Variants in TMEM181 observed in about 807,000 individuals in gnomAD.
TMEM181 encodes transmembrane protein 181.
A neutral mutation model predicts 71.9 loss-of-function variants in TMEM181; 39 were observed. The observed-to-expected ratio is 0.54, with a 90% CI of 0.42 to 0.71. TMEM181 has a LOEUF of 0.71. Among genes scored for constraint, TMEM181 ranks in the 30% least tolerant of loss-of-function variants. The probability of loss-of-function intolerance (pLI) is 0.00; values close to 1 mark genes in which losing one functional copy is unlikely to be tolerated. For synonymous variants in TMEM181, 245 were observed against 228.8 expected (o/e 1.07, Z -0.64); for missense variants, 595 against 583.0 (o/e 1.02, Z -0.21).
chr6:158,572,540 ACACAG>A (rs1276030569), intron 1 of TMEM181: 1 of 454,322 alleles, frequency 2.2e-6, no homozygotes, highest in Non-Finnish European at 4.4e-6. Context: ...TTTGACTGGG[ACACAG>A]CCATGCTCGT....
At chr6:158,547,154 T>A (rs1781553276) in intron 1 of TMEM181, among the ~76,000 whole-genome samples, 1 of 151,988 alleles carries the variant, frequency 6.6e-6, no homozygotes, top group Non-Finnish European at 1.5e-5. Context: ...TGGTGGCATG[T>A]GCCTGTAGTC....
At chr6:158,617,881 G>A (rs1302674398) in intron 10 of TMEM181, among the ~76,000 whole-genome samples, 1 of 152,192 alleles carries the variant, frequency 6.6e-6, no homozygotes, top group Non-Finnish European at 1.5e-5. Context: ...ATTTGCTGAG[G>A]AGTGCTTTAC....
chr6:158,626,881 C>G (rs566679185), intron 13 of TMEM181, among the ~76,000 whole-genome samples: 1 of 150,968 alleles, frequency 6.6e-6, no homozygotes, highest in South Asian at 2.1e-4. Flanking sequence ...CTCTCACACT[C>G]TCACACCCCC....
chr6:158,562,338 A>C (rs1263491212), intron 1 of TMEM181, among the ~76,000 whole-genome samples: 2 of 152,102 alleles, frequency 1.3e-5, no homozygotes, highest in East Asian at 1.9e-4. Flanking sequence ...CTCATTTGCT[A>C]ACCTGACTTG....
chr6:158,568,314 G>A (rs1269696947), intron 1 of TMEM181, among the ~76,000 whole-genome samples: 3 of 151,882 alleles, frequency 2.0e-5, no homozygotes, highest in South Asian at 2.1e-4. Context: ...AGGTGAAAAC[G>A]TGTTGGGCAG....
rs1785109838 is a variant in TMEM181, at chr6:158,608,678, CT to C, written c.827del (p.Phe276SerfsTer19). The C allele has an allele frequency of 6.2e-7, 1 of 1,610,818 alleles. No homozygotes were observed. Among genetic ancestry groups the C allele is most frequent in the Non-Finnish European group, 8.5e-7 (1 of 1,179,266 alleles). On this transcript the variant is annotated frameshift_variant, in exon 10 of 17. Transcript: ENST00000684151. LOFTEE classifies it high-confidence loss of function. ...IRVQGERKCL[T>X]FYLPKFFIVG... ...TTTTAGGGAGAAAGAAAGTGTTTAACTTTCTATTTGCCTAAATTCTTCATTG... is the reference window on the plus strand; with the variant it reads ...TTTTAGGGAGAAAGAAAGTGTTTAACTTCTATTTGCCTAAATTCTTCATTG...
chr6:158,553,600 T>G (rs939635884), intron 1 of TMEM181, among the ~76,000 whole-genome samples: 2 of 152,262 alleles, frequency 1.3e-5, no homozygotes, highest in Non-Finnish European at 2.9e-5. Context: ...ATAATCTTTG[T>G]GCTAAACCCT....
At chr6:158,618,857 C>G (rs1317692475) in intron 10 of TMEM181, among the ~76,000 whole-genome samples, 2 of 152,186 alleles carry the variant, frequency 1.3e-5, no homozygotes, top group South Asian at 4.1e-4. Context: ...GCTGAGAGAT[C>G]AGCTATTATT....
chr6:158,629,049 C>T (rs921477106), intron 14 of TMEM181, among the ~76,000 whole-genome samples: 3 of 152,210 alleles, frequency 2.0e-5, no homozygotes, highest in Non-Finnish European at 2.9e-5. Context: ...CTTCGATTCC[C>T]GCTGTGCCTG....
chr6:158,616,746 G>A (rs1785639282), intron 10 of TMEM181, among the ~76,000 whole-genome samples: 2 of 152,136 alleles, frequency 1.3e-5, no homozygotes, highest in Non-Finnish European at 1.5e-5. Flanking sequence ...AGATAATCAC[G>A]TGGTTTTTGT....
intron 1 of TMEM181, 68 bp from the exon 2 acceptor site, chr6:158,573,352 C>A: frequency 8.1e-7 from 1 of 1,239,712 alleles, no homozygotes; most frequent in Non-Finnish European, 1.1e-6. Context: ...GGTGTTGCTG[C>A]AGGGCCGCTT....
At position 158,631,885 on chromosome 6, in the gene TMEM181, C is replaced by A. The variant is rs762338705; in HGVS notation, c.1425C>A (p.Asp475Glu). 2.5e-6 allele frequency: 4 copies of A among 1,587,746 alleles called. No individual in the cohort carries two copies. In the South Asian group the frequency reaches 4.6e-5, roughly 18 times the overall value. The change falls in exon 17 of 17, where the codon GAC (aspartate) becomes GAA (glutamate). Residue 475 changes from aspartate to glutamate, a missense_variant. By Grantham distance (45) the Asp-to-Glu change is conservative. Transcript: ENST00000684151. Reference sequence around the variant, plus strand: ...AGTACAAGGAGGAGTCAGATAGTGACTGAGCCCCGGCCAGCCCAGCGAGGC... The same window carrying A: ...AGTACAAGGAGGAGTCAGATAGTGAATGAGCCCCGGCCAGCCCAGCGAGGC... ...RAKYKEESDS[D>E]
At chr6:158,571,246 G>A (rs1023233601) in intron 1 of TMEM181, among the ~76,000 whole-genome samples, 1 of 152,116 alleles carries the variant, frequency 6.6e-6, no homozygotes, top group African/African-American at 2.4e-5. Context: ...GCAGGCACCC[G>A]CCACCGCGCC....
At chr6:158,630,607 G>A (rs1179186499) in intron 15 of TMEM181, among the ~76,000 whole-genome samples, 1 of 152,062 alleles carries the variant, frequency 6.6e-6, no homozygotes, top group African/African-American at 2.4e-5. Flanking sequence ...TGCCTTAGCT[G>A]TAGTTGATGC....
intron 10 of TMEM181, 35 bp downstream of exon 10, chr6:158,608,785 TGAA>T (rs758700506): frequency 6.3e-7 from 1 of 1,591,694 alleles, no homozygotes; most frequent in African/African-American, 1.4e-5. Flanking sequence ...ACTTCAGTCA[TGAA>T]AAGCATTTGA....
At chr6:158,593,437 G>T (rs1270997126) in intron 6 of TMEM181, among the ~76,000 whole-genome samples, 1 of 152,092 alleles carries the variant, frequency 6.6e-6, no homozygotes, top group African/African-American at 2.4e-5. Context: ...TACCTGAAAA[G>T]AAAATTATTT....
chr6:158,599,445 C>T (rs1485070638), intron 6 of TMEM181, among the ~76,000 whole-genome samples: 1 of 152,240 alleles, frequency 6.6e-6, no homozygotes, highest in East Asian at 1.9e-4. Context: ...TGCCGAATGA[C>T]AGTGCTTCAG....
chr6:158,609,038 C>G (rs1156749025), intron 10 of TMEM181, among the ~76,000 whole-genome samples: 1 of 150,362 alleles, frequency 6.7e-6, no homozygotes, highest in Non-Finnish European at 1.5e-5. Flanking sequence ...GCACAGGTTG[C>G]AATGAGCCGA....
intron 2 of TMEM181, among the ~76,000 whole-genome samples, chr6:158,580,430 A>T (rs187532232): frequency 1.5e-3 from 227 of 152,344 alleles, no homozygotes; most frequent in African/African-American, 4.7e-3. Flanking sequence ...AAAAAAAACT[A>T]TGAGGTTCGT....
Sources: gnomAD v4.1 joint callset for allele counts (sites outside exome capture counted in the v4.1 genomes callset) on GRCh38, gnomAD v4.1.1 for gene constraint, MANE v1.5 for transcripts, NCBI Gene and HGNC (gene_info 2026-07-23, HGNC 2026-07-21) for gene names.